Variants in LUZP1 observed in about 807,000 individuals in gnomAD.
LUZP1 encodes leucine zipper protein 1.
Under a neutral mutation model 71.3 loss-of-function variants are expected in LUZP1, and 25 were observed. The ratio of observed to expected loss-of-function variants is 0.35; its 90% CI spans 0.26 to 0.49. The LOEUF is 0.49. Ranked by LOEUF, LUZP1 falls within the 20% of genes least tolerant of loss-of-function variation. LUZP1 has a pLI of 0.99. For missense variants in LUZP1, 1,142 were observed against 1,300.8 expected, an observed-to-expected ratio of 0.88 and a Z score of 1.88; for synonymous variants, 481 against 506.4, an observed-to-expected ratio of 0.95 and a Z score of 0.67.
intron 2 of LUZP1, among the ~76,000 whole-genome samples, chr1:23,134,429 G>C (rs2124693139): frequency 6.6e-6 from 1 of 152,274 alleles, no homozygotes; most frequent in Non-Finnish European, 1.5e-5. Context: ...CTACAGTGAA[G>C]TATGAACACA....
intron 2 of LUZP1, among the ~76,000 whole-genome samples, chr1:23,161,950 C>T (rs567520394): frequency 1.4e-5 from 2 of 146,512 alleles, no homozygotes; most frequent in African/African-American, 5.1e-5. Context: ...GGCTTGAACC[C>T]AGGAGGTGGA....
chr1:23,093,060 C>T lies in LUZP1; in HGVS notation c.1202G>A (p.Arg401Gln), dbSNP rs369398324. Residue 401 changes from arginine to glutamine, a missense_variant, in exon 4 of 5, where the codon CGA (arginine) becomes CAA (glutamine). Physicochemically the swap from Arg to Gln is conservative, Grantham distance 43. Transcript: ENST00000302291. The surrounding 1 kb of genome is among the most constrained non-coding windows in gnomAD (Gnocchi z 4.2). ...GAGAGCAAACTCCCTGTTCCGGAGT[C>T]GTTCCCGCTTATGCTGAGGAGACAG... is the stretch of plus-strand genomic sequence containing the variant. The T allele has an allele frequency of 8.1e-6, 13 of 1,614,016 alleles. No individual in the cohort carries two copies. The highest frequency in any genetic ancestry group is 6.7e-5 in the African/African-American group (5 of 74,932).
intron 2 of LUZP1, among the ~76,000 whole-genome samples, chr1:23,128,645 A>G (rs1192753161): frequency 5.9e-5 from 9 of 152,200 alleles, no homozygotes; most frequent in Admixed American, 2.0e-4. Flanking sequence ...ACCCATTACT[A>G]ACCTTTTTAT....
At chr1:23,138,152 T>G (rs1169314224) in intron 2 of LUZP1, among the ~76,000 whole-genome samples, 1 of 152,062 alleles carries the variant, frequency 6.6e-6, no homozygotes, top group African/African-American at 2.4e-5. Flanking sequence ...TTTTTGTATT[T>G]TAGTAGAGAT....
chr1:23,136,995 G>A (rs1194343711), intron 2 of LUZP1, among the ~76,000 whole-genome samples: 2 of 152,168 alleles, frequency 1.3e-5, no homozygotes, highest in African/African-American at 4.8e-5. Flanking sequence ...TTCTAGAACT[G>A]CATAACAACA....
intron 2 of LUZP1, among the ~76,000 whole-genome samples, chr1:23,155,625 A>G (rs942973251): frequency 2.6e-5 from 4 of 152,218 alleles, no homozygotes; most frequent in African/African-American, 9.6e-5. Context: ...TTAGTCCTCA[A>G]TGACTAAGAA....
Position 23,163,262 on chromosome 1 carries a change from T to A in LUZP1, c.-226+5504A>T, listed in dbSNP as rs187544912. Among the ~76,000 whole-genome samples the A allele has an allele frequency of 6.6e-5, 9 of 136,620 alleles. No individual in the cohort carries two copies. In the East Asian group the frequency reaches 1.4e-3, roughly 21 times the overall value. The allele number at this position is 136,620 out of a possible 152,430, so 89.6% of individuals were successfully genotyped here. A position where few individuals can be genotyped will look rare whatever the true frequency, so the allele number is the denominator to read the frequency against. ...CAAAAAAAAAAAAAAAAAAAAAGCA[T>A]GTTGGGGCCAGGTGCCACTCATGCT... is the stretch of plus-strand genomic sequence containing the variant. On this transcript the variant is annotated intron_variant, in intron 2 of 4. Transcript: ENST00000302291.
At chr1:23,145,887 T>C (rs1442094523) in intron 2 of LUZP1, among the ~76,000 whole-genome samples, 3 of 152,200 alleles carry the variant, frequency 2.0e-5, no homozygotes, top group African/African-American at 7.2e-5. Context: ...TTTGAGTCAA[T>C]AAATTTGAGT....
exon 4 of LUZP1, chr1:23,092,102 A>C (rs778660252): frequency 6.2e-7 from 1 of 1,614,090 alleles, no homozygotes; most frequent in African/African-American, 1.3e-5. Context: ...AGGCTCTGAC[A>C]GATTTCACAG....
chr1:23,130,523 ATC>A (rs1457270788), intron 2 of LUZP1, among the ~76,000 whole-genome samples: 3 of 116,542 alleles, frequency 2.6e-5, no homozygotes, highest in Non-Finnish European at 5.3e-5. Context: ...GTTAACAGTT[ATC>A]TTTTTTTTTT....
chr1:23,172,497 A>G (rs1193155033), intron 1 of LUZP1, among the ~76,000 whole-genome samples: 2 of 151,320 alleles, frequency 1.3e-5, no homozygotes, highest in South Asian at 2.1e-4. Flanking sequence ...CTGTCTTTAC[A>G]AAAAAAAATT....
intron 2 of LUZP1, among the ~76,000 whole-genome samples, chr1:23,149,960 CAAAAAAAA>C (rs66680455): frequency 9.2e-5 from 7 of 75,782 alleles, no homozygotes; most frequent in South Asian, 1.1e-3. Context: ...GACTCCGTCT[CAAAAAAAA>C]AAAAAAAAAA....
chr1:23,121,949 T>C (rs1448064481), intron 2 of LUZP1, among the ~76,000 whole-genome samples: 2 of 152,048 alleles, frequency 1.3e-5, no homozygotes, highest in South Asian at 2.1e-4. Context: ...GAGGCAAAGG[T>C]TGCAGTGAGC....
At chr1:23,141,846 ATT>A (rs58129873) in intron 2 of LUZP1, among the ~76,000 whole-genome samples, 37 of 143,028 alleles carry the variant, frequency 2.6e-4, no homozygotes, top group Admixed American at 2.8e-4. Context: ...TGCCCAGCTA[ATT>A]TTTTTTTTTT....
intron 3 of LUZP1, among the ~76,000 whole-genome samples, chr1:23,098,645 C>T (rs1012381302): frequency 6.6e-6 from 1 of 152,074 alleles, no homozygotes; most frequent in African/African-American, 2.4e-5. Context: ...CGTCGACAGA[C>T]GGCAGCAACG....
At position 23,093,546 on chromosome 1, in the gene LUZP1, T is replaced by C; in HGVS notation, c.716A>G (p.Asp239Gly). 1 of 1,613,932 alleles carries C rather than the reference T, an allele frequency of 6.2e-7. No individual in the cohort carries two copies. Among genetic ancestry groups the C allele is most frequent in the African/African-American group, 1.3e-5 (1 of 75,040 alleles). ...AGAGATGCCATCCTCAATCCGTAGG[T>C]CATTTCTTTCCAGATTAGAAGCATT... The change falls in exon 4 of 5, where the codon GAC (aspartate) becomes GGC (glycine). Residue 239 changes from aspartate (D) to glycine (G), a missense_variant. Coordinates refer to ENST00000302291, the Ensembl canonical transcript of LUZP1. The surrounding 1 kb of genome is among the most constrained non-coding windows in gnomAD (Gnocchi z 4.2).
rs191924671 is a variant in LUZP1 at position 23,117,983 on chromosome 1, A to G, written c.-225-8856T>C. Among the ~76,000 whole-genome samples, 388 of 152,256 alleles carry G rather than the reference A, an allele frequency of 2.5e-3. 2 individuals are homozygous for G. Among genetic ancestry groups the G allele is most frequent in the African/African-American group, 9.1e-3 (379 of 41,558 alleles). On this transcript the variant is annotated intron_variant, in intron 2 of 4. Transcript: ENST00000302291. ...CGTACGCCTGTAGTCCCAGCTAATC[A>G]GGAGGCTGAGGCAGGAGACTTGCTT...
intron 2 of LUZP1, among the ~76,000 whole-genome samples, chr1:23,131,755 G>A (rs1394236309): frequency 2.6e-5 from 4 of 151,962 alleles, no homozygotes; most frequent in African/African-American, 9.7e-5. Context: ...GCGTGATCTC[G>A]GCTCACCGCA....
rs148009756 is a variant in LUZP1, at chr1:23,093,301, C to T, written c.961G>A (p.Asp321Asn). The change falls in exon 4 of 5, where the codon GAC becomes AAC. Residue 321 changes from aspartate (D) to asparagine (N), a missense_variant. Physicochemically the swap from Asp to Asn is conservative, Grantham distance 23. Coordinates refer to ENST00000302291, the Ensembl canonical transcript of LUZP1. The surrounding 1 kb of genome is among the most constrained non-coding windows in gnomAD (Gnocchi z 4.2). ...TCACTTAGGTAATTATCCTGAAGGT[C>T]GTTATTTTTGGACTTCATTTTCTTA... is the stretch of plus-strand genomic sequence containing the variant. The T allele has an allele frequency of 3.0e-5, 49 of 1,610,334 alleles. No individual in the cohort carries two copies. In the East Asian group the frequency reaches 6.9e-4, roughly 23 times the overall value.
Sources: gnomAD v4.1 joint callset for allele counts (sites outside exome capture counted in the v4.1 genomes callset) on GRCh38, gnomAD v4.1.1 for gene constraint, Gnocchi (gnomAD v3.1) non-coding constraint, MANE v1.5 for transcripts, NCBI Gene and HGNC (gene_info 2026-07-23, HGNC 2026-07-21) for gene names.